Variants in CSMD1 observed in about 807,000 individuals in gnomAD.
CSMD1 encodes CUB and sushi domain-containing protein 1.
Under a neutral mutation model 417.5 loss-of-function variants are expected in CSMD1, and 213 were observed. The observed-to-expected ratio is 0.51, with a 90% confidence interval of 0.46 to 0.57. CSMD1 has a LOEUF of 0.57. CSMD1 is among the 20% of genes least tolerant of loss of function. The pLI, the probability that CSMD1 is intolerant of heterozygous loss-of-function variation, is 0.00. For synonymous variants in CSMD1, 2,862 were observed against 1,736.8 expected (o/e 1.65, Z -16.11); for missense variants, 6,923 against 4,529.7 (o/e 1.53, Z -15.17).
At chr8:3,827,404 C>G (rs1802116220) in intron 5 of CSMD1, among the ~76,000 whole-genome samples, 1 of 152,112 alleles carries the variant, frequency 6.6e-6, no homozygotes, top group African/African-American at 2.4e-5. Flanking sequence ...TATCAAATAC[C>G]TATATAGTTG....
chr8:3,531,154 C>A (rs1797963964), intron 10 of CSMD1, among the ~76,000 whole-genome samples: 1 of 152,220 alleles, frequency 6.6e-6, no homozygotes. Context: ...AGCCACCACA[C>A]CTGGCCCATA....
At chr8:3,328,572 G>C (rs1806688503) in intron 23 of CSMD1, among the ~76,000 whole-genome samples, 1 of 152,168 alleles carries the variant, frequency 6.6e-6, no homozygotes, top group Admixed American at 6.5e-5. Context: ...GCAATGATCA[G>C]TTTCAATCCA....
chr8:3,319,168 G>A lies in CSMD1; in HGVS notation c.3632-10665C>T, dbSNP rs114725090. 8.2e-3 allele frequency among the ~76,000 whole-genome samples: 1,250 copies of A among 152,120 alleles called. 22 individuals are homozygous for A. Among genetic ancestry groups the A allele is most frequent in the African/African-American group, 0.028 (1,158 of 41,494 alleles). ...AGGCCTAGCTTTTAAAAAAAATCTA[G>A]GAATAAATGGTCAAAAAAATGAAAC... On this transcript the variant is annotated intron_variant, in intron 23 of 69. Coordinates refer to ENST00000635120, the MANE Select transcript of CSMD1 (RefSeq NM_033225.6).
chr8:3,345,931 C>T lies in CSMD1; in HGVS notation c.3474+2061G>A, dbSNP rs1379062899. Among the ~76,000 whole-genome samples the T allele has an allele frequency of 3.3e-5, 5 of 152,150 alleles. No individual in the cohort carries two copies. The East Asian group carries it at 9.6e-4, about 29-fold the overall frequency. ...ACATGCTTCTGAGAGCTCGATATCT[C>T]TTACATGATTTTTCCACATGAAGCA... On this transcript the variant is annotated intron_variant, in intron 22 of 69. Transcript: ENST00000635120.
chr8:4,430,211 G>C (rs1797794245), intron 2 of CSMD1, among the ~76,000 whole-genome samples: 1 of 152,112 alleles, frequency 6.6e-6, no homozygotes, highest in African/African-American at 2.4e-5. Flanking sequence ...TCAGGAGTTA[G>C]GCCCCAGCTT....
At chr8:4,122,365 C>T (rs867925543) in intron 3 of CSMD1, among the ~76,000 whole-genome samples, 1 of 152,150 alleles carries the variant, frequency 6.6e-6, no homozygotes, top group Non-Finnish European at 1.5e-5. Context: ...ACTATATACT[C>T]AGTGCCAACA....
At chr8:2,980,017 A>G (rs1805268547) in intron 54 of CSMD1, among the ~76,000 whole-genome samples, 1 of 152,212 alleles carries the variant, frequency 6.6e-6, no homozygotes, top group Non-Finnish European at 1.5e-5. Context: ...AGACACCCAC[A>G]TCGTCCCATT....
At chr8:4,778,812 G>A (rs143244323) in intron 1 of CSMD1, among the ~76,000 whole-genome samples, 2 of 152,200 alleles carry the variant, frequency 1.3e-5, no homozygotes, top group Admixed American at 6.5e-5. Context: ...GCTTAGAATA[G>A]CAGATGAGAT....
At chr8:4,616,701 T>G (rs1406221117) in intron 2 of CSMD1, among the ~76,000 whole-genome samples, 1 of 152,174 alleles carries the variant, frequency 6.6e-6, no homozygotes, top group Non-Finnish European at 1.5e-5. Context: ...CTTGACTCAT[T>G]TGTCACTTAT....
At chr8:3,842,515 G>A (rs998644827) in intron 5 of CSMD1, among the ~76,000 whole-genome samples, 10 of 152,052 alleles carry the variant, frequency 6.6e-5, no homozygotes, top group Admixed American at 5.9e-4. Context: ...GGAAGAAGTG[G>A]GTTCCAATTG....
intron 3 of CSMD1, among the ~76,000 whole-genome samples, chr8:4,042,289 G>C (rs1261107811): frequency 6.6e-6 from 1 of 152,164 alleles, no homozygotes; most frequent in East Asian, 1.9e-4. Context: ...ATCCCTACTA[G>C]TGGGGGTAGG....
At chr8:4,954,367 A>T (rs930364588) in intron 1 of CSMD1, among the ~76,000 whole-genome samples, 1 of 152,124 alleles carries the variant, frequency 6.6e-6, no homozygotes, top group Non-Finnish European at 1.5e-5. Flanking sequence ...CTAAAGACAC[A>T]TTTTTTGTGT....
At chr8:4,414,735 T>C (rs1318755426) in intron 3 of CSMD1, among the ~76,000 whole-genome samples, 1 of 152,194 alleles carries the variant, frequency 6.6e-6, no homozygotes, top group Non-Finnish European at 1.5e-5. Context: ...AGTTAAGTTG[T>C]GGTTGAGTTC....
chr8:4,057,162 G>C (rs566643499), intron 3 of CSMD1, among the ~76,000 whole-genome samples: 5 of 151,974 alleles, frequency 3.3e-5, no homozygotes, highest in South Asian at 2.1e-4. Flanking sequence ...ACAGTGTAGT[G>C]TTCCTATTTC....
intron 1 of CSMD1, among the ~76,000 whole-genome samples, chr8:4,693,059 G>A (rs1806878596): frequency 6.6e-6 from 1 of 152,128 alleles, no homozygotes; most frequent in African/African-American, 2.4e-5. Flanking sequence ...CTGTGATACT[G>A]ACTACACTAC....
intron 3 of CSMD1, among the ~76,000 whole-genome samples, chr8:4,238,803 G>T (rs1026699659): frequency 1.3e-5 from 2 of 152,160 alleles, no homozygotes; most frequent in African/African-American, 2.4e-5. Context: ...AGTAACTTTT[G>T]TAAATGCTTT....
chr8:4,023,226 G>C (rs1043483672), intron 4 of CSMD1, among the ~76,000 whole-genome samples: 2 of 152,144 alleles, frequency 1.3e-5, no homozygotes, highest in African/African-American at 4.8e-5. Flanking sequence ...AGATGTGAAA[G>C]GTGGCCATCT....
At chr8:4,668,368 T>C (rs1805070730) in intron 1 of CSMD1, among the ~76,000 whole-genome samples, 1 of 151,264 alleles carries the variant, frequency 6.6e-6, no homozygotes, top group African/African-American at 2.4e-5. Context: ...AACCCTCGTC[T>C]CTAGCCACTG....
intron 7 of CSMD1, among the ~76,000 whole-genome samples, chr8:3,640,108 G>C (rs13272490): frequency 0.49 from 74,532 of 151,652 alleles, 18,492 homozygotes; most frequent in Middle Eastern, 0.63. Context: ...CCATGTAGAG[G>C]TCCTTTTTTC....
Sources: allele counts gnomAD v4.1 joint callset (sites outside exome capture counted in the v4.1 genomes callset), GRCh38; gene constraint gnomAD v4.1.1; transcripts MANE v1.5; gene names NCBI Gene and HGNC (gene_info 2026-07-23, HGNC 2026-07-21).